The following USP53 variants were observed in gnomAD, a reference collection of about 807,000 sequenced individuals.
The protein encoded by USP53 is ubiquitin carboxyl-terminal hydrolase 53.
In USP53, 71 loss-of-function variants were observed where a neutral mutation model predicts 94.9. The ratio of observed to expected loss-of-function variants is 0.75; its 90% CI spans 0.62 to 0.91. USP53 has a LOEUF of 0.91. Among genes scored for constraint, USP53 ranks in the 40% least tolerant of loss-of-function variants. The probability of loss-of-function intolerance (pLI) is 0.00; values close to 1 mark genes in which losing one functional copy is unlikely to be tolerated. For synonymous variants in USP53, 375 were observed against 422.7 expected (o/e 0.89, Z 1.39); for missense variants, 1,173 against 1,281.0 (o/e 0.92, Z 1.29).
At chr4:119,283,553 G>A (rs951248367) in intron 17 of USP53, among the ~76,000 whole-genome samples, 15 of 151,912 alleles carry the variant, frequency 9.9e-5, no homozygotes, top group African/African-American at 3.6e-4. Flanking sequence ...TAGCCTAGGA[G>A]AGAAAAGTTG....
chr4:119,243,152 T>C (rs1747771299), intron 5 of USP53, among the ~76,000 whole-genome samples: 1 of 152,176 alleles, frequency 6.6e-6, no homozygotes, highest in Admixed American at 6.5e-5. Context: ...GTTCAATAAC[T>C]ATCTTAAACC....
At chr4:119,292,267 AT>A (rs1754844678) in intron 18 of USP53, 70 bp from the exon 19 acceptor site, 1 of 1,421,768 alleles carries the variant, frequency 7.0e-7, no homozygotes, top group East Asian at 2.4e-5. Flanking sequence ...TACAAAACAA[AT>A]GTTTATTTTC....
chr4:119,262,706 A>T (rs952175950), intron 12 of USP53, among the ~76,000 whole-genome samples: 1 of 152,204 alleles, frequency 6.6e-6, no homozygotes, highest in African/African-American at 2.4e-5. Context: ...AAATTCACAT[A>T]TAAGTGAACC....
chr4:119,279,724 C>G (rs1034735230), intron 17 of USP53, among the ~76,000 whole-genome samples: 3 of 152,320 alleles, frequency 2.0e-5, no homozygotes, highest in African/African-American at 7.2e-5. Context: ...GCAGTTTGAT[C>G]TCAGACTGCT....
chr4:119,249,896 C>G (rs1165695861), intron 7 of USP53, among the ~76,000 whole-genome samples: 1 of 152,018 alleles, frequency 6.6e-6, no homozygotes, highest in African/African-American at 2.4e-5. Context: ...GATCTCCTGA[C>G]CTCGTGATCT....
Position 119,256,433 on chromosome 4 carries a change from C to G in USP53, c.487-8C>G. 1 of 1,613,812 alleles carries G rather than the reference C, an allele frequency of 6.2e-7. No individual in the cohort carries two copies. The highest frequency in any genetic ancestry group is 1.7e-5 in the Admixed American group (1 of 60,018). On this transcript the variant is annotated splice_region_variant and splice_polypyrimidine_tract_variant and intron_variant, in intron 8 of 18. Transcript: ENST00000692078. ...TGATAGATTAAACATATGTTTTTAC[C>G]TATATAGTGTGTGTGTCGTAGCTGT...
intron 2 of USP53, among the ~76,000 whole-genome samples, chr4:119,216,600 C>T (rs1188739181): frequency 6.6e-6 from 1 of 152,044 alleles, no homozygotes; most frequent in African/African-American, 2.4e-5. Context: ...GGTGAAAATC[C>T]ACTTATAATG....
intron 17 of USP53, among the ~76,000 whole-genome samples, chr4:119,281,897 C>T (rs1014874617): frequency 2.6e-5 from 4 of 152,078 alleles, no homozygotes; most frequent in Non-Finnish European, 5.9e-5. Flanking sequence ...TGTTGTGCAA[C>T]GATTACTACC....
intron 3 of USP53, among the ~76,000 whole-genome samples, chr4:119,234,277 C>G (rs1045338424): frequency 1.3e-5 from 2 of 152,154 alleles, no homozygotes; most frequent in Admixed American, 1.3e-4. Context: ...ATTTGGCCTG[C>G]TCCATCTCTT....
At chr4:119,279,145 G>T (rs1436608505) in intron 17 of USP53, among the ~76,000 whole-genome samples, 1 of 148,508 alleles carries the variant, frequency 6.7e-6, no homozygotes, top group African/African-American at 2.5e-5. Context: ...TGCTGGTGAG[G>T]AACTGCGTTC....
chr4:119,226,096 T>TAAAAAATTTTGACAAAATTC (rs1181766187), intron 3 of USP53, among the ~76,000 whole-genome samples: 4 of 152,176 alleles, frequency 2.6e-5, no homozygotes, highest in South Asian at 2.1e-4. Context: ...TTACAAAATT[T>TAAAAAATTTTGACAAAATTC]AAAAAATTTT....
intron 9 of USP53, 33 bp downstream of exon 9, chr4:119,256,556 T>C (rs1366617065): frequency 1.3e-6 from 2 of 1,586,204 alleles, no homozygotes; most frequent in South Asian, 1.1e-5. Context: ...TTATCAACGA[T>C]ATTAATAACA....
intron 2 of USP53, among the ~76,000 whole-genome samples, chr4:119,216,183 C>T (rs1467643260): frequency 6.6e-6 from 1 of 151,982 alleles, no homozygotes; most frequent in Non-Finnish European, 1.5e-5. Context: ...AGATTGAGAC[C>T]ACCCTGGCCA....
At chr4:119,285,888 T>C (rs1319706422) in intron 17 of USP53, among the ~76,000 whole-genome samples, 9 of 151,914 alleles carry the variant, frequency 5.9e-5, no homozygotes. Context: ...ACCTATGTAC[T>C]TTTTTAAAAC....
chr4:119,241,486 C>T (rs531970528), intron 5 of USP53, among the ~76,000 whole-genome samples: 3 of 149,188 alleles, frequency 2.0e-5, no homozygotes, highest in Non-Finnish European at 4.4e-5. Context: ...GATATTTTCA[C>T]TCATTAAAGA....
At chr4:119,273,520 C>A in intron 16 of USP53, 112 bp from the exon 17 acceptor site, 3 of 689,426 alleles carry the variant, frequency 4.4e-6, no homozygotes, top group Non-Finnish European at 4.9e-6. Context: ...TACATTAAGC[C>A]CTAGAACAGC....
intron 15 of USP53, among the ~76,000 whole-genome samples, chr4:119,270,052 T>TTCTA (rs372108011): frequency 0.4 from 58,676 of 147,150 alleles, 11,920 homozygotes; most frequent in Non-Finnish European, 0.46. Context: ...TATATATAAT[T>TTCTA]TATATAGTTT....
chr4:119,286,062 A>G (rs1039525564), intron 17 of USP53, among the ~76,000 whole-genome samples: 3 of 151,836 alleles, frequency 2.0e-5, no homozygotes, highest in Non-Finnish European at 4.4e-5. Flanking sequence ...TACATATTAA[A>G]GTATCTCTCT....
chr4:119,219,689 C>T (rs1004628304), intron 3 of USP53: 35 of 152,158 alleles, frequency 2.3e-4, no homozygotes, highest in African/African-American at 6.8e-4. Flanking sequence ...GTGTCATCCC[C>T]TTTTGGGGGA....
Sources: gnomAD v4.1 joint callset for allele counts (sites outside exome capture counted in the v4.1 genomes callset) on GRCh38, gnomAD v4.1.1 for gene constraint, MANE v1.5 for transcripts, NCBI Gene and HGNC (gene_info 2026-07-23, HGNC 2026-07-21) for gene names.